The following ASB2 variants were observed in gnomAD, a reference collection of about 807,000 sequenced individuals.
ASB2 encodes ankyrin repeat and SOCS box containing 2.
A neutral mutation model predicts 62.4 loss-of-function variants in ASB2; 58 were observed. The ratio of observed to expected loss-of-function variants is 0.93; its 90% confidence interval spans 0.75 to 1.16. The LOEUF is 1.16. Ranked by LOEUF, ASB2 falls within the 50% of genes most tolerant of loss-of-function variation. The pLI is 0.00. For missense variants in ASB2, 928 were observed against 887.9 expected, an observed-to-expected ratio of 1.05 and a Z score of -0.57; for synonymous variants, 386 against 385.3, an observed-to-expected ratio of 1.00 and a Z score of -0.02.
chr14:93,945,511 C>T (rs1460513294), intron 7 of ASB2, among the ~76,000 whole-genome samples: 1 of 152,210 alleles, frequency 6.6e-6, no homozygotes, highest in Non-Finnish European at 1.5e-5. Context: ...TTTTACTGGT[C>T]CTCCGACAAC....
intron 3 of ASB2, chr14:93,955,436 C>G: frequency 7.2e-6 from 2 of 276,842 alleles, no homozygotes; most frequent in Non-Finnish European, 1.5e-5. Context: ...TCAGATAAGT[C>G]CTGAGGTCCC....
At chr14:93,944,319 A>G (rs2141280449) in intron 7 of ASB2, among the ~76,000 whole-genome samples, 1 of 152,352 alleles carries the variant, frequency 6.6e-6, no homozygotes, top group East Asian at 1.9e-4. Flanking sequence ...GAAATGAACA[A>G]CAGGAAAATG....
chr14:93,953,280 C>A, intron 5 of ASB2, 72 bp downstream of exon 5: 1 of 1,384,576 alleles, frequency 7.2e-7, no homozygotes. Flanking sequence ...TTAACGGGAG[C>A]AACATTCCCT....
At chr14:93,971,557 G>A (rs1889756901) in intron 1 of ASB2, among the ~76,000 whole-genome samples, 1 of 152,156 alleles carries the variant, frequency 6.6e-6, no homozygotes, top group South Asian at 2.1e-4. Flanking sequence ...TACCTTTTAG[G>A]TTTAGCTCTT....
chr14:93,949,800 ACCAGGACCCCCGGCCTGGGCTC>A (rs1288726588), intron 6 of ASB2, among the ~76,000 whole-genome samples: 1 of 152,136 alleles, frequency 6.6e-6, no homozygotes, highest in African/African-American at 2.4e-5. Flanking sequence ...GCTGTCCGTC[ACCAGGACCCCCGGCCTGGGCTC>A]CCAGGACCCT....
chr14:93,949,757 G>C (rs1460681010), intron 6 of ASB2, among the ~76,000 whole-genome samples: 12 of 152,132 alleles, frequency 7.9e-5, no homozygotes, highest in Non-Finnish European at 1.2e-4. Flanking sequence ...CAGATGTTTG[G>C]AGTTATTGAG....
chr14:93,935,987 G>T (rs779451708), intron 9 of ASB2, among the ~76,000 whole-genome samples: 1 of 152,218 alleles, frequency 6.6e-6, no homozygotes, highest in African/African-American at 2.4e-5. Flanking sequence ...GGCTGAATTG[G>T]AATAATTAAT....
Position 93,947,376 on chromosome 14 carries a change from T to C in ASB2, c.1025A>G (p.His342Arg). ...GTAGTTGCCCTTCTTGGAGGCGATG[T>C]GCAGCGGGAGCAAGCCGTCCTTGTT... Reference protein sequence around the residue: ...KTNKDGLLPLHIASKKGNYRI... With the variant: ...KTNKDGLLPLRIASKKGNYRI... Residue 342 changes from histidine to arginine, a missense_variant, in exon 7 of 10, where the codon CAC becomes CGC. His to Arg is a conservative substitution (Grantham distance 29, BLOSUM62 0). Transcript: ENST00000555019. The C allele has an allele frequency of 1.2e-6, 2 of 1,614,188 alleles. No individual in the cohort carries two copies. The highest frequency in any genetic ancestry group is 1.7e-6 in the Non-Finnish European group (2 of 1,180,038).
chr14:93,935,260 G>T (rs1019781845), intron 9 of ASB2, among the ~76,000 whole-genome samples: 3 of 152,224 alleles, frequency 2.0e-5, no homozygotes, highest in African/African-American at 7.2e-5. Context: ...CAGGATAAGG[G>T]GGCAGAGACT....
intron 6 of ASB2, among the ~76,000 whole-genome samples, chr14:93,950,645 T>C (rs1443920846): frequency 6.6e-6 from 1 of 152,180 alleles, no homozygotes; most frequent in Non-Finnish European, 1.5e-5. Flanking sequence ...AGTTCTACAA[T>C]TAATTTGCTA....
intron 1 of ASB2, among the ~76,000 whole-genome samples, chr14:93,974,614 T>C (rs1469870383): frequency 6.6e-6 from 1 of 152,222 alleles, no homozygotes; most frequent in African/African-American, 2.4e-5. Context: ...CCACAGTACC[T>C]TGAGAGGCCA....
chr14:93,958,113 G>A (rs1003697386), intron 2 of ASB2, among the ~76,000 whole-genome samples: 1 of 152,172 alleles, frequency 6.6e-6, no homozygotes, highest in East Asian at 1.9e-4. Context: ...TCTGCTTCAT[G>A]CTCTCAGGGC....
intron 7 of ASB2, among the ~76,000 whole-genome samples, chr14:93,943,707 G>A (rs751461133): frequency 4.9e-4 from 74 of 152,154 alleles, no homozygotes; most frequent in Admixed American, 9.8e-4. Context: ...GCCCACAGAC[G>A]GCTCCATTGC....
intron 1 of ASB2, among the ~76,000 whole-genome samples, chr14:93,968,949 C>T (rs969125311): frequency 2.6e-5 from 4 of 152,216 alleles, no homozygotes; most frequent in African/African-American, 9.6e-5. Context: ...AGGGACTCTG[C>T]CTTTGAAGAG....
rs79398428 is a variant in ASB2, at chr14:93,957,410, C to A, written c.207-540G>T. The A allele has an allele frequency of 2.5e-3, 2,500 of 1,008,922 alleles. 55 individuals carry two copies. In the African/African-American group the frequency reaches 0.041, roughly 17 times the overall value. 62.5% of individuals were successfully genotyped at this position (1,008,922 alleles called of 1,614,324 possible). ...CTTGTCCCAGGGGTAGGAGCAGACA[C>A]TATAGTAACCTCTATAGTGTTATTA... is the stretch of plus-strand genomic sequence containing the variant. On this transcript the variant is annotated intron_variant, in intron 2 of 9. Transcript: ENST00000555019.
intron 9 of ASB2, among the ~76,000 whole-genome samples, chr14:93,935,718 C>T (rs1003693960): frequency 7.2e-5 from 11 of 152,170 alleles, no homozygotes; most frequent in African/African-American, 2.7e-4. Flanking sequence ...GAGGGCCAGG[C>T]GGCTGCAGCG....
intron 1 of ASB2, among the ~76,000 whole-genome samples, chr14:93,972,331 C>T (rs762802316): frequency 2.1e-4 from 32 of 152,090 alleles, no homozygotes; most frequent in South Asian, 4.1e-4. Flanking sequence ...CCCAAGGAAA[C>T]GCTTCCAGCT....
Position 93,937,453 on chromosome 14 carries a change from C to T in ASB2, c.1771+245G>A, listed in dbSNP as rs76691314. The stretch of plus-strand genomic sequence containing the variant: ...TTTAAAACATCATGGAAAGATGTAG[C>T]GGAGAGACTCTGGGGTTGGTCAAAC... On this transcript the variant is annotated intron_variant, in intron 9 of 9. Transcript: ENST00000555019. 5.1e-3 allele frequency among the ~76,000 whole-genome samples: 771 copies of T among 152,308 alleles called. 7 individuals carry two copies. Among genetic ancestry groups the T allele is most frequent in the Middle Eastern group, 0.02 (6 of 294 alleles).
Position 93,951,145 on chromosome 14 carries a change from G to A in ASB2, c.734C>T (p.Ser245Phe). The A allele has an allele frequency of 6.2e-7, 1 of 1,614,202 alleles. No homozygotes were observed. Reference sequence around the variant, plus strand: ...GACCTCCAGGTCATTGCGAGACACAGACTCGTGCAGAGCGGTCCAGCCGCG... The same window carrying A: ...GACCTCCAGGTCATTGCGAGACACAAACTCGTGCAGAGCGGTCCAGCCGCG... ...CNRGWTALHE[S>F]VSRNDLEVMQ... Residue 245 changes from serine to phenylalanine, a missense_variant, in exon 6 of 10, where the codon TCT (serine) becomes TTT (phenylalanine). Coordinates refer to ENST00000555019, the MANE Select transcript of ASB2 (RefSeq NM_001202429.2).
Sources: allele counts gnomAD v4.1 joint callset (sites outside exome capture counted in the v4.1 genomes callset), GRCh38; gene constraint gnomAD v4.1.1; transcripts MANE v1.5; gene names NCBI Gene and HGNC (gene_info 2026-07-23, HGNC 2026-07-21).